LMTK2: variants seen among roughly 807,000 people sequenced by gnomAD.
The protein encoded by LMTK2 is lemur tail kinase 2.
Under a neutral mutation model 127.5 loss-of-function variants are expected in LMTK2, and 37 were observed. The ratio of observed to expected loss-of-function variants is 0.29; its 90% CI spans 0.22 to 0.38. The LOEUF (loss-of-function observed/expected upper bound fraction) is 0.38. Among genes scored for constraint, LMTK2 ranks in the 10% least tolerant of loss-of-function variants. LMTK2 has a pLI of 1.00. For missense variants in LMTK2, 1,694 were observed against 1,920.3 expected, an observed-to-expected ratio of 0.88 and a Z score of 2.20; for synonymous variants, 819 against 810.1, an observed-to-expected ratio of 1.01 and a Z score of -0.19.
At chr7:98,183,794 C>T (rs1797388436) in intron 7 of LMTK2, among the ~76,000 whole-genome samples, 1 of 152,128 alleles carries the variant, frequency 6.6e-6, no homozygotes, top group Admixed American at 6.5e-5. Flanking sequence ...CTTAGCCTCC[C>T]AAGATGCTGG....
In LMTK2 at chr7:98,204,186, G is replaced by T; in HGVS notation, c.4483G>T (p.Gly1495Ter). Residue 1495 changes from glycine (G) to a stop codon, truncating the protein, a stop_gained and splice_region_variant, in exon 13 of 14, where the codon GGA (glycine) becomes TGA (stop). Coordinates refer to ENST00000297293, the MANE Select transcript of LMTK2 (RefSeq NM_014916.4). LOFTEE classifies it high-confidence loss of function. ...GACCGACTCGGACATCGAGCAGGGC[G>T]GTGAGAGGCGCTGCGTGCTGGGGAT... is the stretch of plus-strand genomic sequence containing the variant. ...HLTDSDIEQG[G>*]SSEDGEKD 6.2e-7 allele frequency: 1 copy of T among 1,605,084 alleles called. No homozygotes were observed.
chr7:98,159,246 C>T, intron 5 of LMTK2, 92 bp from the exon 6 acceptor site: 2 of 715,408 alleles, frequency 2.8e-6, no homozygotes, highest in Non-Finnish European at 4.5e-6. Flanking sequence ...ATTTGGATTA[C>T]TATTTGAATA....
chr7:98,130,803 G>A (rs753203499), intron 1 of LMTK2, among the ~76,000 whole-genome samples: 1 of 152,166 alleles, frequency 6.6e-6, no homozygotes, highest in Non-Finnish European at 1.5e-5. Flanking sequence ...CCTTGATCTT[G>A]GACTTGGAGC....
intron 2 of LMTK2, among the ~76,000 whole-genome samples, chr7:98,140,782 C>G (rs1796685957): frequency 6.6e-6 from 1 of 151,820 alleles, no homozygotes; most frequent in Non-Finnish European, 1.5e-5. Flanking sequence ...AATTGCTTGG[C>G]CAGGCGCTGT....
At chr7:98,131,009 T>A (rs1796512798) in intron 1 of LMTK2, among the ~76,000 whole-genome samples, 1 of 152,180 alleles carries the variant, frequency 6.6e-6, no homozygotes, top group South Asian at 2.1e-4. Flanking sequence ...AAGACATAGA[T>A]ACTGTAATGA....
chr7:98,198,527 C>G (rs1797664383), intron 11 of LMTK2, among the ~76,000 whole-genome samples: 1 of 152,082 alleles, frequency 6.6e-6, no homozygotes, highest in South Asian at 2.1e-4. Context: ...CGCTCTGTCG[C>G]CCAGGCTGTA....
intron 1 of LMTK2, among the ~76,000 whole-genome samples, chr7:98,115,637 G>A (rs1242491901): frequency 1.3e-5 from 2 of 151,604 alleles, no homozygotes; most frequent in Admixed American, 6.6e-5. Flanking sequence ...GTGAAACCCC[G>A]TCTCTACTAA....
chr7:98,176,950 C>T lies in LMTK2; in HGVS notation c.791+5276C>T, dbSNP rs185759755. Among the ~76,000 whole-genome samples, 29 of 152,212 alleles carry T rather than the reference C, an allele frequency of 1.9e-4. No individual in the cohort carries two copies. The East Asian group carries it at 4.4e-3, about 23-fold the overall frequency. On this transcript the variant is annotated intron_variant, in intron 7 of 13. Transcript: ENST00000297293. ...CCCGTCTGTGTTACAGGTCAGGAGA[C>T]GCAGGCACAGACAGGTATACTGACT...
intron 11 of LMTK2, among the ~76,000 whole-genome samples, chr7:98,203,256 T>C (rs1797734405): frequency 6.6e-6 from 1 of 152,018 alleles, no homozygotes; most frequent in Non-Finnish European, 1.5e-5. Flanking sequence ...AGGCGGGGGA[T>C]TGTGGAGGAG....
At position 98,119,071 on chromosome 7, in the gene LMTK2, G is replaced by C. The variant is rs186493046; in HGVS notation, c.103+11791G>C. On this transcript the variant is annotated intron_variant, in intron 1 of 13. Coordinates refer to ENST00000297293, the MANE Select transcript of LMTK2 (RefSeq NM_014916.4). ...AGTGCCACTGCACTCCCGCCTGGGT[G>C]ACAGAGTGAGAATCCATCTCAAAAA... 3.8e-3 allele frequency among the ~76,000 whole-genome samples: 524 copies of C among 138,730 alleles called. 6 individuals are homozygous for C. The highest frequency in any genetic ancestry group is 0.014 in the African/African-American group (502 of 36,412). The allele number at this position is 138,730 out of a possible 152,430, so 91.0% of individuals were successfully genotyped here.
At chr7:98,144,730 C>T (rs1017219871) in intron 3 of LMTK2, among the ~76,000 whole-genome samples, 1 of 150,378 alleles carries the variant, frequency 6.6e-6, no homozygotes, top group Non-Finnish European at 1.5e-5. Flanking sequence ...CCCACCCACA[C>T]ACATGCATAG....
At chr7:98,172,382 G>T (rs1797207760) in intron 7 of LMTK2, among the ~76,000 whole-genome samples, 1 of 145,404 alleles carries the variant, frequency 6.9e-6, no homozygotes, top group Non-Finnish European at 1.5e-5. Flanking sequence ...TCGGCTCACT[G>T]CAAGCTCCAC....
At chr7:98,187,392 A>G (rs1797452342) in intron 9 of LMTK2, among the ~76,000 whole-genome samples, 1 of 152,062 alleles carries the variant, frequency 6.6e-6, no homozygotes, top group African/African-American at 2.4e-5. Flanking sequence ...AAAAAGATGC[A>G]CCTAAAACTT....
At chr7:98,119,930 T>C (rs1796339155) in intron 1 of LMTK2, among the ~76,000 whole-genome samples, 1 of 152,274 alleles carries the variant, frequency 6.6e-6, no homozygotes, top group Non-Finnish European at 1.5e-5. Flanking sequence ...CTAGGATTTG[T>C]AGCCTATTTC....
intron 1 of LMTK2, among the ~76,000 whole-genome samples, chr7:98,113,042 A>G (rs1329514938): frequency 6.6e-6 from 1 of 152,074 alleles, no homozygotes; most frequent in East Asian, 1.9e-4. Flanking sequence ...GGTGTGTGCC[A>G]CCATGCCCAC....
chr7:98,141,283 A>T, intron 2 of LMTK2, 114 bp from the exon 3 acceptor site: 1 of 952,526 alleles, frequency 1.0e-6, no homozygotes, highest in Non-Finnish European at 1.6e-6. Flanking sequence ...ACTTAACATT[A>T]AGTACAAACT....
At chr7:98,143,367 A>G (rs545269143) in intron 3 of LMTK2, among the ~76,000 whole-genome samples, 11 of 152,374 alleles carry the variant, frequency 7.2e-5, no homozygotes, top group African/African-American at 2.4e-4. Context: ...TATTCTGTAT[A>G]GAAAAAGACA....
intron 8 of LMTK2, among the ~76,000 whole-genome samples, chr7:98,185,891 C>T (rs1317361552): frequency 6.6e-6 from 1 of 151,972 alleles, no homozygotes; most frequent in African/African-American, 2.4e-5. Context: ...CAGCAACATA[C>T]GGATAAGATC....
intron 6 of LMTK2, among the ~76,000 whole-genome samples, chr7:98,170,113 A>G (rs1435957691): frequency 2.0e-5 from 3 of 152,252 alleles, no homozygotes; most frequent in Non-Finnish European, 2.9e-5. Context: ...GCCGAAAAGT[A>G]GAAGCACAGC....
Sources: gnomAD v4.1 joint callset for allele counts (sites outside exome capture counted in the v4.1 genomes callset) on GRCh38, gnomAD v4.1.1 for gene constraint, MANE v1.5 for transcripts, NCBI Gene and HGNC (gene_info 2026-07-23, HGNC 2026-07-21) for gene names.